The following GUCY1A2 variants were observed in gnomAD, a reference collection of about 807,000 sequenced individuals.
The protein encoded by GUCY1A2 is guanylate cyclase soluble subunit alpha-2.
Under a neutral mutation model 63.5 loss-of-function variants are expected in GUCY1A2, and 27 were observed. The observed-to-expected ratio is 0.43, with a 90% CI of 0.31 to 0.59. The LOEUF is 0.59. Among genes scored for constraint, GUCY1A2 ranks in the 20% least tolerant of loss-of-function variants. The probability of loss-of-function intolerance (pLI) is 0.11; values close to 1 mark genes in which losing one functional copy is unlikely to be tolerated. For missense variants in GUCY1A2, 768 were observed against 913.3 expected (o/e 0.84, Z 2.05); for synonymous variants, 364 against 343.5 (o/e 1.06, Z -0.66).
At chr11:106,837,244 A>G (rs990357063) in intron 4 of GUCY1A2, among the ~76,000 whole-genome samples, 1 of 151,916 alleles carries the variant, frequency 6.6e-6, no homozygotes, top group African/African-American at 2.4e-5. Context: ...AACAACATGC[A>G]ATATTTGCTT....
At chr11:106,803,860 C>G (rs936920820) in intron 5 of GUCY1A2, among the ~76,000 whole-genome samples, 13 of 152,310 alleles carry the variant, frequency 8.5e-5, no homozygotes, top group Middle Eastern at 3.4e-3. Context: ...CTTGCCTCTT[C>G]CTTATCTCCA....
At chr11:106,877,061 C>T in intron 4 of GUCY1A2, among the ~76,000 whole-genome samples, 1 of 151,878 alleles carries the variant, frequency 6.6e-6, no homozygotes, top group Non-Finnish European at 1.5e-5. Flanking sequence ...AGTAAAGGGC[C>T]GTAAGCAAAG....
At position 106,674,959 on chromosome 11, in the gene GUCY1A2, G is replaced by T. The variant is rs1862320645; in HGVS notation, c.*12590C>A. 1 of 215,088 alleles carries T rather than the reference G, an allele frequency of 4.6e-6. No homozygotes were observed. The highest frequency in any genetic ancestry group is 9.4e-6 in the Non-Finnish European group (1 of 106,604). 13.3% of individuals were successfully genotyped at this position (215,088 alleles called of 1,614,324 possible). A position where few individuals can be genotyped will look rare whatever the true frequency, so the allele number is the denominator to read the frequency against. ...CAGACTTGATGGAAGTGCATTGGCTGTTTATTTTATGCATTGAAGTGAGTA... is the reference window on the plus strand; with the variant it reads ...CAGACTTGATGGAAGTGCATTGGCTTTTTATTTTATGCATTGAAGTGAGTA... On this transcript the variant is annotated 3_prime_UTR_variant, in exon 8 of 8. Coordinates refer to ENST00000526355, the MANE Select transcript of GUCY1A2 (RefSeq NM_000855.3).
intron 4 of GUCY1A2, among the ~76,000 whole-genome samples, chr11:106,922,543 C>G (rs1306523718): frequency 2.0e-5 from 3 of 149,046 alleles, no homozygotes; most frequent in Non-Finnish European, 3.0e-5. Context: ...TACACACACA[C>G]ACGAACATAT....
chr11:106,977,799 T>C (rs1861281705), intron 3 of GUCY1A2, among the ~76,000 whole-genome samples: 1 of 152,172 alleles, frequency 6.6e-6, no homozygotes, highest in Non-Finnish European at 1.5e-5. Context: ...CTAAGATTTA[T>C]TATTCCCCAC....
At chr11:106,936,049 A>G (rs927679446) in intron 4 of GUCY1A2, among the ~76,000 whole-genome samples, 3 of 152,176 alleles carry the variant, frequency 2.0e-5, no homozygotes, top group African/African-American at 7.2e-5. Flanking sequence ...CCTCTCTCCC[A>G]GCCTGTTGAT....
At chr11:106,901,772 T>G (rs913672116) in intron 4 of GUCY1A2, among the ~76,000 whole-genome samples, 5 of 152,102 alleles carry the variant, frequency 3.3e-5, no homozygotes, top group Non-Finnish European at 7.4e-5. Context: ...TTGCTGTGAA[T>G]GATGGTTTCC....
Position 107,007,896 on chromosome 11 carries a change from CA to C in GUCY1A2, c.303+9856del, listed in dbSNP as rs1246512984. ...TTACTGTCCCTCTAGCTTACAGATA[CA>C]CATTTCTTTAGGAGATAATATAGAC... is the stretch of plus-strand genomic sequence containing the variant. On this transcript the variant is annotated intron_variant, in intron 1 of 7. Coordinates refer to ENST00000526355, the MANE Select transcript of GUCY1A2 (RefSeq NM_000855.3). Among the ~76,000 whole-genome samples, 694 of 149,142 alleles carry C rather than the reference CA, an allele frequency of 4.7e-3. 53 individuals are homozygous for C. The highest frequency in any genetic ancestry group is 0.037 in the East Asian group (160 of 4,326).
In GUCY1A2 at chr11:106,677,758, A is replaced by G. The variant is rs960629036; in HGVS notation, c.*9791T>C. The G allele has an allele frequency of 9.5e-6, 2 of 210,674 alleles. No homozygotes were observed. Among genetic ancestry groups the G allele is most frequent in the East Asian group, 7.1e-5 (1 of 14,116 alleles). The allele number at this position is 210,674 out of a possible 1,614,324, so 13.1% of individuals were successfully genotyped here. A position where few individuals can be genotyped will look rare whatever the true frequency, so the allele number is the denominator to read the frequency against. ...CAACAGACCTAATTTTGATGTAAGC[A>G]AAGTCTGATTTTTGTGTCTCTTTCC... On this transcript the variant is annotated 3_prime_UTR_variant, in exon 8 of 8. Coordinates refer to ENST00000526355, the MANE Select transcript of GUCY1A2 (RefSeq NM_000855.3).
intron 6 of GUCY1A2, among the ~76,000 whole-genome samples, chr11:106,767,350 T>C (rs1181059305): frequency 6.6e-6 from 1 of 152,122 alleles, no homozygotes; most frequent in African/African-American, 2.4e-5. Flanking sequence ...TAGCTTTTTT[T>C]CCCATCACTT....
intron 4 of GUCY1A2, among the ~76,000 whole-genome samples, chr11:106,924,178 A>G (rs935220467): frequency 2.6e-5 from 4 of 152,052 alleles, no homozygotes; most frequent in Non-Finnish European, 5.9e-5. Flanking sequence ...GGCAATTACT[A>G]TAATCTACAC....
chr11:106,914,319 T>C (rs1439871259), intron 4 of GUCY1A2, among the ~76,000 whole-genome samples: 2 of 152,076 alleles, frequency 1.3e-5, no homozygotes, highest in Admixed American at 1.3e-4. Flanking sequence ...CTAATGTACA[T>C]AATTAATGTG....
chr11:106,837,089 A>G (rs1245267910), intron 4 of GUCY1A2, among the ~76,000 whole-genome samples: 1 of 151,776 alleles, frequency 6.6e-6, no homozygotes, highest in Non-Finnish European at 1.5e-5. Flanking sequence ...TTATTTCGTC[A>G]CCCAGGTACT....
intron 6 of GUCY1A2, among the ~76,000 whole-genome samples, chr11:106,741,678 G>C (rs575886054): frequency 5.9e-5 from 9 of 152,292 alleles, no homozygotes; most frequent in African/African-American, 2.2e-4. Context: ...TTTAACAAAA[G>C]TGTGGTGATT....
intron 5 of GUCY1A2, among the ~76,000 whole-genome samples, chr11:106,798,700 G>T (rs1437330886): frequency 1.3e-5 from 2 of 152,088 alleles, no homozygotes; most frequent in African/African-American, 4.8e-5. Context: ...AAAGGCCTTT[G>T]ACAAAATTCA....
At chr11:106,751,533 T>C (rs1863881642) in intron 6 of GUCY1A2, among the ~76,000 whole-genome samples, 1 of 150,884 alleles carries the variant, frequency 6.6e-6, no homozygotes, top group African/African-American at 2.4e-5. Context: ...GTAGTACTGA[T>C]GTGAATAGTA....
At chr11:106,866,405 G>A (rs1248642462) in intron 4 of GUCY1A2, among the ~76,000 whole-genome samples, 2 of 152,054 alleles carry the variant, frequency 1.3e-5, no homozygotes, top group South Asian at 4.1e-4. Context: ...TTCAATGCAT[G>A]ACTTGAGACA....
intron 5 of GUCY1A2, among the ~76,000 whole-genome samples, chr11:106,802,242 T>A (rs1442815194): frequency 1.3e-5 from 2 of 152,188 alleles, no homozygotes; most frequent in Non-Finnish European, 2.9e-5. Context: ...AAACTCACCC[T>A]ATGTATAAAC....
chr11:106,693,230 A>T (rs1324193683), intron 7 of GUCY1A2, among the ~76,000 whole-genome samples: 1 of 152,198 alleles, frequency 6.6e-6, no homozygotes, highest in African/African-American at 2.4e-5. Context: ...TAGATGTCGG[A>T]AATATCTTTA....
Sources: gnomAD v4.1 joint callset for allele counts (sites outside exome capture counted in the v4.1 genomes callset) on GRCh38, gnomAD v4.1.1 for gene constraint, MANE v1.5 for transcripts, NCBI Gene and HGNC (gene_info 2026-07-23, HGNC 2026-07-21) for gene names.